Variants in NBEAL1 observed in about 807,000 individuals in gnomAD.
NBEAL1 encodes neurobeachin like 1.
Under a neutral mutation model 351.3 loss-of-function variants are expected in NBEAL1, and 273 were observed. That is an observed-to-expected ratio of 0.78 (90% CI 0.70 to 0.86). The LOEUF is 0.86. Ranked by LOEUF, NBEAL1 falls within the 40% of genes least tolerant of loss-of-function variation. The pLI is 0.00. For synonymous variants in NBEAL1, 1,050 were observed against 1,086.4 expected, an observed-to-expected ratio of 0.97 and a Z score of 0.66; for missense variants, 2,961 against 3,201.3, an observed-to-expected ratio of 0.92 and a Z score of 1.81.
chr2:203,110,296 G>A lies in NBEAL1; in HGVS notation c.2082+14G>A, dbSNP rs977715533. Reference sequence around the variant, plus strand: ...GATTCCCTCTGGGTAAGGCTTTAGGGCATCACATTTAACTTCTAGTATGGT... The same window carrying A: ...GATTCCCTCTGGGTAAGGCTTTAGGACATCACATTTAACTTCTAGTATGGT... On this transcript the variant is annotated intron_variant, in intron 15 of 55. Transcript: ENST00000683969. 9.1e-6 allele frequency: 14 copies of A among 1,545,698 alleles called. No homozygotes were observed. In the African/African-American group the frequency reaches 1.2e-4, roughly 14 times the overall value.
At chr2:203,116,810 G>C (rs1230614128) in intron 18 of NBEAL1, among the ~76,000 whole-genome samples, 2 of 149,432 alleles carry the variant, frequency 1.3e-5, no homozygotes, top group East Asian at 2.0e-4. Context: ...AAAAAAAAGG[G>C]GGGGGCCCAG....
At chr2:203,181,839 T>G (rs2064727382) in intron 43 of NBEAL1, 1 of 152,192 alleles carries the variant, frequency 6.6e-6, no homozygotes, top group South Asian at 2.1e-4. Flanking sequence ...GATCCTAAAC[T>G]CTCAGTCAGC....
intron 6 of NBEAL1, among the ~76,000 whole-genome samples, chr2:203,064,011 G>A (rs2061541183): frequency 6.6e-6 from 1 of 152,070 alleles, no homozygotes. Flanking sequence ...GTTAAACCTA[G>A]GGGGAAGTTT....
chr2:203,113,886 A>T (rs1184601455), intron 17 of NBEAL1, among the ~76,000 whole-genome samples: 1 of 142,328 alleles, frequency 7.0e-6, no homozygotes, highest in Non-Finnish European at 1.5e-5. Flanking sequence ...CAATGGCGCG[A>T]TCCCGGCTCA....
chr2:203,089,142 T>C (rs2106181603), intron 10 of NBEAL1, among the ~76,000 whole-genome samples: 1 of 152,228 alleles, frequency 6.6e-6, no homozygotes, highest in South Asian at 2.1e-4. Flanking sequence ...GCAGATCATC[T>C]GAGGTCAGGA....
chr2:203,052,054 G>T lies in NBEAL1; in HGVS notation c.305+2079G>T, dbSNP rs78058897. Among the ~76,000 whole-genome samples the T allele has an allele frequency of 1.6e-3, 238 of 152,092 alleles. 4 individuals are homozygous for T. The East Asian group carries it at 0.039, about 25-fold the overall frequency. Reference sequence around the variant, plus strand: ...AACTAAGGTCCATGTGCACATTAGGGTTCACTATTTGTGTTGTATAGTTTC... The same window carrying T: ...AACTAAGGTCCATGTGCACATTAGGTTTCACTATTTGTGTTGTATAGTTTC... On this transcript the variant is annotated intron_variant, in intron 4 of 55. Transcript: ENST00000683969.
At chr2:203,148,320 C>G (rs557166499) in intron 33 of NBEAL1, among the ~76,000 whole-genome samples, 12 of 152,122 alleles carry the variant, frequency 7.9e-5, no homozygotes, top group Admixed American at 4.6e-4. Context: ...AGAAAATTAG[C>G]TCAGAAAAGC....
intron 46 of NBEAL1, chr2:203,191,319 G>GGTGAAAAAA: frequency 5.1e-6 from 2 of 391,076 alleles, no homozygotes; most frequent in South Asian, 5.2e-5. Context: ...TTTGACAACT[G>GGTGAAAAAA]AAAAAAAAAA....
At chr2:203,046,721 C>A (rs766763135) in intron 3 of NBEAL1, among the ~76,000 whole-genome samples, 1 of 152,228 alleles carries the variant, frequency 6.6e-6, no homozygotes, top group Non-Finnish European at 1.5e-5. Flanking sequence ...GACAGTAATC[C>A]CATCCATGAG....
chr2:203,110,674 A>AAAGTAAAT lies in NBEAL1; in HGVS notation c.2082+394_2082+395insGTAAATAA, dbSNP rs1553610986. 4.1e-3 allele frequency among the ~76,000 whole-genome samples: 539 copies of AAAGTAAAT among 130,884 alleles called. 8 individuals are homozygous for AAAGTAAAT. Among genetic ancestry groups the AAAGTAAAT allele is most frequent in the African/African-American group, 0.015 (520 of 34,984 alleles). 85.9% of individuals were successfully genotyped at this position (130,884 alleles called of 152,430 possible). A position where few individuals can be genotyped will look rare whatever the true frequency, so the allele number is the denominator to read the frequency against. ...GGGCAACAGAGTGAGATCCTGTCTC[A>AAAGTAAAT]AAATAAATAAATAAATAAATAAATA... is the stretch of plus-strand genomic sequence containing the variant. On this transcript the variant is annotated intron_variant, in intron 15 of 55. Coordinates refer to ENST00000683969, the MANE Select transcript of NBEAL1 (RefSeq NM_001378026.1).
intron 3 of NBEAL1, among the ~76,000 whole-genome samples, chr2:203,048,418 C>T (rs1396979269): frequency 6.6e-6 from 1 of 150,946 alleles, no homozygotes; most frequent in African/African-American, 2.4e-5. Context: ...TTTGTTATGC[C>T]TTGGATTTTC....
At chr2:203,059,802 T>C (rs1423087994) in intron 6 of NBEAL1, among the ~76,000 whole-genome samples, 1 of 152,204 alleles carries the variant, frequency 6.6e-6, no homozygotes, top group Non-Finnish European at 1.5e-5. Flanking sequence ...GAGGACTGAT[T>C]GAGCCCAATA....
intron 6 of NBEAL1, among the ~76,000 whole-genome samples, chr2:203,059,471 C>T (rs1175787336): frequency 1.3e-5 from 2 of 152,230 alleles, no homozygotes; most frequent in Non-Finnish European, 2.9e-5. Context: ...TTGCTGGTCA[C>T]CATGTGTGAG....
chr2:203,021,945 G>A (rs1486213432), intron 2 of NBEAL1, among the ~76,000 whole-genome samples: 1 of 151,890 alleles, frequency 6.6e-6, no homozygotes, highest in Admixed American at 6.6e-5. Context: ...CACCTACTCG[G>A]GAGGCTGAGG....
intron 8 of NBEAL1, among the ~76,000 whole-genome samples, chr2:203,081,333 AG>A (rs2061868536): frequency 6.6e-6 from 1 of 152,194 alleles, no homozygotes; most frequent in Admixed American, 6.5e-5. Context: ...AGACTGACCT[AG>A]GTTTGAGTGT....
chr2:203,078,386 C>T (rs1266647379), intron 8 of NBEAL1, among the ~76,000 whole-genome samples: 1 of 152,106 alleles, frequency 6.6e-6, no homozygotes, highest in South Asian at 2.1e-4. Flanking sequence ...GTTTCCCAGG[C>T]TGGAGTGCAG....
intron 2 of NBEAL1, among the ~76,000 whole-genome samples, chr2:203,041,101 G>C (rs2061133608): frequency 6.6e-6 from 1 of 152,208 alleles, no homozygotes; most frequent in African/African-American, 2.4e-5. Context: ...AGTGTTTTCT[G>C]TATTGGCTGC....
chr2:203,089,494 G>A (rs1002644196), intron 10 of NBEAL1, among the ~76,000 whole-genome samples: 2 of 152,146 alleles, frequency 1.3e-5, no homozygotes, highest in Non-Finnish European at 2.9e-5. Context: ...AAGGAATATG[G>A]AGAGAAACCA....
chr2:203,140,594 A>G (rs1424368673), intron 31 of NBEAL1, among the ~76,000 whole-genome samples: 1 of 152,150 alleles, frequency 6.6e-6, no homozygotes, highest in East Asian at 1.9e-4. Flanking sequence ...AAACAAGTAT[A>G]TGGGCATTAA....
Sources: allele counts gnomAD v4.1 joint callset (sites outside exome capture counted in the v4.1 genomes callset), GRCh38; gene constraint gnomAD v4.1.1; transcripts MANE v1.5; gene names NCBI Gene and HGNC (gene_info 2026-07-23, HGNC 2026-07-21).